The following PPP1R21 variants were observed in gnomAD, a reference collection of about 807,000 sequenced individuals.
PPP1R21 encodes protein phosphatase 1 regulatory subunit 21.
In PPP1R21, 85 loss-of-function variants were observed where a neutral mutation model predicts 112.8. That is an observed-to-expected ratio of 0.75 (90% confidence interval 0.63 to 0.90). The LOEUF (loss-of-function observed/expected upper bound fraction) is 0.90, where lower values mean the gene tolerates loss of function less well. Ranked by LOEUF, PPP1R21 falls within the 40% of genes least tolerant of loss-of-function variation. The pLI is 0.00. For synonymous variants in PPP1R21, 381 were observed against 322.3 expected (o/e 1.18, Z -1.95); for missense variants, 1,199 against 901.5 (o/e 1.33, Z -4.23).
At chr2:48,492,097 A>G (rs991329874) in intron 15 of PPP1R21, among the ~76,000 whole-genome samples, 1 of 152,170 alleles carries the variant, frequency 6.6e-6, no homozygotes, top group Non-Finnish European at 1.5e-5. Context: ...CAATTTGTGC[A>G]TTTTACTTTT....
chr2:48,456,685 A>G (rs1012347945), intron 3 of PPP1R21, among the ~76,000 whole-genome samples: 7 of 152,214 alleles, frequency 4.6e-5, no homozygotes, highest in Admixed American at 3.3e-4. Context: ...CGAGAGTGTT[A>G]GTGTTCAAAT....
At chr2:48,483,195 C>CTTTTTTTTTTTTTTTTTTT (rs755036470) in intron 13 of PPP1R21, among the ~76,000 whole-genome samples, 1 of 80,890 alleles carries the variant, frequency 1.2e-5, no homozygotes, top group Non-Finnish European at 2.1e-5. Flanking sequence ...CTTTTTTTTC[C>CTTTTTTTTTTTTTTTTTTT]TTTTTTTTTT....
At chr2:48,476,633 A>G (rs1668765653) in intron 12 of PPP1R21, among the ~76,000 whole-genome samples, 1 of 151,984 alleles carries the variant, frequency 6.6e-6, no homozygotes, top group South Asian at 2.1e-4. Context: ...TTTGATTTTT[A>G]GCTATTCTGG....
chr2:48,480,066 C>T (rs368852275), intron 13 of PPP1R21, 50 bp downstream of exon 13: 14 of 1,195,016 alleles, frequency 1.2e-5, no homozygotes, highest in Middle Eastern at 1.9e-4. Flanking sequence ...CCACTTTCTT[C>T]GATCTGCCTG....
At chr2:48,472,471 C>G (rs911617729) in intron 11 of PPP1R21, among the ~76,000 whole-genome samples, 6 of 150,406 alleles carry the variant, frequency 4.0e-5, no homozygotes, top group Non-Finnish European at 7.4e-5. Flanking sequence ...ACTAAAAATA[C>G]AAAAATTAGC....
At chr2:48,458,103 A>T in intron 3 of PPP1R21, 23 bp from the exon 4 acceptor site, 1 of 1,491,630 alleles carries the variant, frequency 6.7e-7, no homozygotes, top group East Asian at 2.3e-5. Context: ...AGTTATGTGG[A>T]CATAACTTAT....
At chr2:48,499,445 G>GA (rs1228467907) in intron 17 of PPP1R21, among the ~76,000 whole-genome samples, 3 of 152,154 alleles carry the variant, frequency 2.0e-5, no homozygotes, top group Non-Finnish European at 2.9e-5. Context: ...ACAGGAAGCC[G>GA]AGAGTGATGG....
chr2:48,465,052 G>GA, intron 8 of PPP1R21, 63 bp downstream of exon 8: 1 of 1,335,714 alleles, frequency 7.5e-7, no homozygotes, highest in Non-Finnish European at 1.0e-6. Flanking sequence ...CCAGAAACAA[G>GA]AATTAGTTGT....
intron 5 of PPP1R21, 53 bp from the exon 6 acceptor site, chr2:48,460,042 T>A: frequency 6.2e-7 from 1 of 1,607,176 alleles, no homozygotes; most frequent in Non-Finnish European, 8.5e-7. Context: ...CTAAGTGTGC[T>A]CCTATCTGTC....
At chr2:48,504,657 A>AC (rs1007553517) in intron 17 of PPP1R21, among the ~76,000 whole-genome samples, 2 of 152,082 alleles carry the variant, frequency 1.3e-5, no homozygotes, top group Non-Finnish European at 2.9e-5. Context: ...AAACAAACAA[A>AC]AAAAAACTGT....
chr2:48,458,812 G>C (rs1667840767), intron 4 of PPP1R21, among the ~76,000 whole-genome samples: 1 of 152,098 alleles, frequency 6.6e-6, no homozygotes, highest in Non-Finnish European at 1.5e-5. Context: ...TTCATAGTGG[G>C]CTGGGCGCAG....
intron 1 of PPP1R21, 108 bp downstream of exon 1, chr2:48,441,118 C>T (rs1667007954): frequency 5.2e-6 from 4 of 764,502 alleles, no homozygotes; most frequent in South Asian, 1.5e-5. Flanking sequence ...CACGCGAGCG[C>T]GCCCCACCTT....
intron 13 of PPP1R21, among the ~76,000 whole-genome samples, chr2:48,480,689 AG>A (rs1163622644): frequency 8.5e-5 from 13 of 152,186 alleles, no homozygotes; most frequent in Admixed American, 8.5e-4. Context: ...CTGTTGGGGT[AG>A]GGAAAGCAGG....
chr2:48,488,237 A>G (rs997706165), intron 14 of PPP1R21, among the ~76,000 whole-genome samples: 1 of 152,064 alleles, frequency 6.6e-6, no homozygotes, highest in African/African-American at 2.4e-5. Context: ...GACCATCCCC[A>G]CTGCCTCCCC....
chr2:48,491,206 A>G, intron 15 of PPP1R21, 36 bp downstream of exon 15: 1 of 1,597,486 alleles, frequency 6.3e-7, no homozygotes, highest in Non-Finnish European at 8.5e-7. Flanking sequence ...AATCAGAGGA[A>G]ACATCAGGAG....
intron 17 of PPP1R21, among the ~76,000 whole-genome samples, chr2:48,503,945 T>C (rs1342294468): frequency 9.7e-6 from 1 of 102,810 alleles, no homozygotes; most frequent in East Asian, 2.4e-4. Flanking sequence ...AGGGCGAGAC[T>C]ATGTCTCAAA....
chr2:48,499,441 A>G (rs1320945934), intron 17 of PPP1R21, among the ~76,000 whole-genome samples: 1 of 152,230 alleles, frequency 6.6e-6, no homozygotes, highest in Non-Finnish European at 1.5e-5. Flanking sequence ...AACCACAGGA[A>G]GCCGAGAGTG....
chr2:48,469,213 G>A (rs1349047525), intron 9 of PPP1R21, among the ~76,000 whole-genome samples: 1 of 146,820 alleles, frequency 6.8e-6, no homozygotes, highest in Non-Finnish European at 1.5e-5. Flanking sequence ...TACAATTCAG[G>A]CTGAGATTTG....
At chr2:48,495,839 T>A in intron 16 of PPP1R21, 68 bp downstream of exon 16, 1 of 884,972 alleles carries the variant, frequency 1.1e-6, no homozygotes, top group Non-Finnish European at 1.9e-6. Flanking sequence ...TAGAAAGTTT[T>A]TAAGATACGT....
Sources: gnomAD v4.1 joint callset for allele counts (sites outside exome capture counted in the v4.1 genomes callset) on GRCh38, gnomAD v4.1.1 for gene constraint, MANE v1.5 for transcripts, NCBI Gene and HGNC (gene_info 2026-07-23, HGNC 2026-07-21) for gene names.